NCOA7: variants seen among roughly 807,000 people sequenced by gnomAD.
The protein encoded by NCOA7 is 140 kDa estrogen receptor-associated protein.
NCOA7 carries 45 observed loss-of-function variants against 104.3 expected under a neutral mutation model. The observed-to-expected ratio is 0.43, with a 90% CI of 0.34 to 0.55. The LOEUF (loss-of-function observed/expected upper bound fraction) is 0.55. Ranked by LOEUF, NCOA7 falls within the 20% of genes least tolerant of loss-of-function variation. The pLI, the probability that NCOA7 is intolerant of heterozygous loss-of-function variation, is 0.02. For synonymous variants in NCOA7, 398 were observed against 402.3 expected, an observed-to-expected ratio of 0.99 and a Z score of 0.13; for missense variants, 1,041 against 1,119.7, an observed-to-expected ratio of 0.93 and a Z score of 1.00.
intron 2 of NCOA7, among the ~76,000 whole-genome samples, chr6:125,845,893 G>T (rs938300271): frequency 5.9e-5 from 9 of 151,984 alleles, no homozygotes; most frequent in African/African-American, 9.7e-5. Flanking sequence ...TGCTTTTTTT[G>T]TTGTTGTTTT....
intron 1 of NCOA7, among the ~76,000 whole-genome samples, chr6:125,791,641 C>G (rs971137634): frequency 2.6e-5 from 4 of 152,116 alleles, no homozygotes; most frequent in African/African-American, 2.4e-5. Flanking sequence ...TTCTGGAGAT[C>G]GATGAGGCTG....
intron 10 of NCOA7, among the ~76,000 whole-genome samples, chr6:125,909,987 A>G (rs567746745): frequency 1.3e-5 from 2 of 152,308 alleles, no homozygotes; most frequent in African/African-American, 2.4e-5. Flanking sequence ...GACTAATGCT[A>G]TAATTGGGAA....
At chr6:125,894,641 AAGCT>A (rs1562152881) in intron 10 of NCOA7, among the ~76,000 whole-genome samples, 2 of 152,334 alleles carry the variant, frequency 1.3e-5, no homozygotes, top group African/African-American at 4.8e-5. Flanking sequence ...GAAGGCAGAA[AAGCT>A]AAAGCAGTCC....
rs539141989 is a variant in NCOA7 at position 125,878,809 on chromosome 6, G to T, written c.459+439G>T. Reference sequence around the variant, plus strand: ...CAAATCCTGATTGGCATATGTGTTGGGAGCAAACCCAAAATTATTTTCTGA... The same window carrying T: ...CAAATCCTGATTGGCATATGTGTTGTGAGCAAACCCAAAATTATTTTCTGA... On this transcript the variant is annotated intron_variant, in intron 5 of 15. Transcript: ENST00000392477. Among the ~76,000 whole-genome samples the T allele has an allele frequency of 4.6e-5, 7 of 152,266 alleles. No individual in the cohort carries two copies. In the South Asian group the frequency reaches 1.5e-3, roughly 32 times the overall value.
At position 125,922,741 on chromosome 6, in the gene NCOA7, G is replaced by A. The variant is rs771058714; in HGVS notation, c.2430G>A (p.Thr810=). ...ATCCATGGAGACTGGCCTATAGCACGTTAGAGCACGGGACCAGCTTAAAGA... is the reference window on the plus strand; with the variant it reads ...ATCCATGGAGACTGGCCTATAGCACATTAGAGCACGGGACCAGCTTAAAGA... ...QGYPWRLAYS[T]LEHGTSLKTL... The change falls in exon 13 of 16, where the codon ACG becomes ACA. Residue 810 remains threonine (T), a synonymous_variant. Coordinates refer to ENST00000392477, the MANE Select transcript of NCOA7 (RefSeq NM_181782.5). 12 of 1,613,944 alleles carry A rather than the reference G, an allele frequency of 7.4e-6. No individual in the cohort carries two copies. The highest frequency in any genetic ancestry group is 5.0e-5 in the Admixed American group (3 of 59,992).
At chr6:125,913,532 C>A in intron 10 of NCOA7, 1 of 526,446 alleles carries the variant, frequency 1.9e-6, no homozygotes, top group Non-Finnish European at 2.4e-6. Flanking sequence ...AACCATCATA[C>A]CCATGTACAA....
At chr6:125,884,357 A>G (rs987424236) in intron 7 of NCOA7, among the ~76,000 whole-genome samples, 1 of 152,216 alleles carries the variant, frequency 6.6e-6, no homozygotes, top group Non-Finnish European at 1.5e-5. Context: ...TTCTTTGGAT[A>G]TATACCCAGT....
At chr6:125,830,735 A>ATGTGTG (rs779830277) in intron 2 of NCOA7, among the ~76,000 whole-genome samples, 4,720 of 133,170 alleles carry the variant, frequency 0.035, 97 homozygotes, top group East Asian at 0.059. Flanking sequence ...ATATATATAT[A>ATGTGTG]TATGTGTGTG....
chr6:125,829,763 A>ATT (rs1778998935), intron 2 of NCOA7, among the ~76,000 whole-genome samples: 1 of 134,880 alleles, frequency 7.4e-6, no homozygotes, highest in Admixed American at 7.5e-5. Context: ...AAGAGTATAG[A>ATT]AGCACCAGGT....
At chr6:125,811,997 C>T (rs1258792518) in intron 1 of NCOA7, among the ~76,000 whole-genome samples, 1 of 152,240 alleles carries the variant, frequency 6.6e-6, no homozygotes, top group African/African-American at 2.4e-5. Context: ...TGCCGCACCA[C>T]AGCTAGTGCT....
intron 10 of NCOA7, among the ~76,000 whole-genome samples, chr6:125,909,735 G>A (rs1334060326): frequency 5.3e-5 from 8 of 152,134 alleles, no homozygotes; most frequent in Admixed American, 2.0e-4. Flanking sequence ...ACTTGAACTC[G>A]GGAGGCAGAG....
chr6:125,821,840 T>C (rs1361518526), intron 2 of NCOA7, among the ~76,000 whole-genome samples: 1 of 151,838 alleles, frequency 6.6e-6, no homozygotes, highest in Admixed American at 6.6e-5. Flanking sequence ...GCAGAAATAA[T>C]TCTGTACAAA....
chr6:125,839,284 A>C (rs1267755504), intron 2 of NCOA7, among the ~76,000 whole-genome samples: 1 of 152,010 alleles, frequency 6.6e-6, no homozygotes, highest in African/African-American at 2.4e-5. Flanking sequence ...CGCCTGGATA[A>C]TTTTTGTATT....
chr6:125,799,882 A>G lies in NCOA7; in HGVS notation c.-65+8815A>G, dbSNP rs140839657. 8.8e-3 allele frequency among the ~76,000 whole-genome samples: 1,347 copies of G among 152,340 alleles called. 23 individuals are homozygous for G. The highest frequency in any genetic ancestry group is 0.03 in the African/African-American group (1,232 of 41,576). ...TTGATGACATTCTTAGAGATAACGT[A>G]TGAGTGTTCTGTTTCATGATCCCCT... On this transcript the variant is annotated intron_variant, in intron 1 of 15. Transcript: ENST00000392477.
At chr6:125,893,647 G>T (rs1368022774) in intron 10 of NCOA7, among the ~76,000 whole-genome samples, 1 of 152,096 alleles carries the variant, frequency 6.6e-6, no homozygotes, top group Admixed American at 6.5e-5. Flanking sequence ...TGGAAACCTT[G>T]CATAGTCTCC....
chr6:125,826,352 G>A (rs565075635), intron 2 of NCOA7, among the ~76,000 whole-genome samples: 2 of 150,302 alleles, frequency 1.3e-5, no homozygotes, highest in African/African-American at 2.4e-5. Flanking sequence ...AAAAAAAAGC[G>A]CATTATTTTA....
chr6:125,899,767 C>G lies in NCOA7; in HGVS notation c.2096+8957C>G, dbSNP rs531193880. 6.3e-4 allele frequency: 124 copies of G among 195,914 alleles called. 2 individuals carry two copies. In the South Asian group the frequency reaches 0.01, roughly 16 times the overall value. 12.1% of individuals were successfully genotyped at this position (195,914 alleles called of 1,614,324 possible). On this transcript the variant is annotated intron_variant, in intron 10 of 15. Transcript: ENST00000392477. ...CTGAAAATTCCAGAAATTCATTACC[C>G]TCCAAAAACACCCTCTTAGGCAACC...
chr6:125,920,864 TC>T, intron 11 of NCOA7, 78 bp from the exon 12 acceptor site: 1 of 1,541,350 alleles, frequency 6.5e-7, no homozygotes, highest in South Asian at 1.2e-5. Context: ...AGCACGGGTG[TC>T]CCTAGAGTGA....
At chr6:125,797,528 C>T (rs904101286) in intron 1 of NCOA7, among the ~76,000 whole-genome samples, 4 of 152,162 alleles carry the variant, frequency 2.6e-5, no homozygotes, top group African/African-American at 9.7e-5. Context: ...GGTCTGAGAT[C>T]CCTTAAGAGC....
Sources: gnomAD v4.1 joint callset for allele counts (sites outside exome capture counted in the v4.1 genomes callset) on GRCh38, gnomAD v4.1.1 for gene constraint, MANE v1.5 for transcripts, NCBI Gene and HGNC (gene_info 2026-07-23, HGNC 2026-07-21) for gene names.